The following PARP2 variants were observed in gnomAD, a reference collection of about 807,000 sequenced individuals.
PARP2 encodes poly [ADP-ribose] polymerase 2.
In PARP2, 57 loss-of-function variants were observed where a neutral mutation model predicts 77.8. The observed-to-expected ratio is 0.73, with a 90% CI of 0.59 to 0.91. PARP2 has a LOEUF of 0.91. Among genes scored for constraint, PARP2 ranks in the 40% least tolerant of loss-of-function variants. PARP2 has a pLI of 0.00. For synonymous variants in PARP2, 226 were observed against 242.6 expected, an observed-to-expected ratio of 0.93 and a Z score of 0.64; for missense variants, 651 against 689.0, an observed-to-expected ratio of 0.94 and a Z score of 0.62.
chr14:20,343,756 T>C, intron 1 of PARP2, 69 bp downstream of exon 1: 1 of 1,489,360 alleles, frequency 6.7e-7, no homozygotes, highest in Non-Finnish European at 9.3e-7. Context: ...TGCCACCTAC[T>C]GTGACCCCCT....
chr14:20,347,356 G>GTATATATATATATA (rs774986716), intron 4 of PARP2, among the ~76,000 whole-genome samples: 2 of 29,562 alleles, frequency 6.8e-5, no homozygotes, highest in Non-Finnish European at 1.1e-4. Flanking sequence ...ATGTGTGTGT[G>GTATATATATATATA]TATATATATA....
chr14:20,356,260 A>C, intron 11 of PARP2, 47 bp from the exon 12 acceptor site: 1 of 1,603,662 alleles, frequency 6.2e-7, no homozygotes, highest in South Asian at 1.1e-5. Flanking sequence ...AGTTCAGCTC[A>C]GTCTCTTGTA....
chr14:20,354,533 C>G (rs1001524118), intron 8 of PARP2: 13 of 524,020 alleles, frequency 2.5e-5, no homozygotes, highest in Non-Finnish European at 3.7e-5. Context: ...CCCATCTCTA[C>G]TAAAAATAGA....
chr14:20,354,688 C>T lies in PARP2; in HGVS notation c.764-121C>T, dbSNP rs1884077281. 5.2e-6 allele frequency: 5 copies of T among 959,490 alleles called. No individual in the cohort carries two copies. In the Admixed American group the frequency reaches 9.9e-5, roughly 19 times the overall value. The allele number at this position is 959,490 out of a possible 1,614,324, so 59.4% of individuals were successfully genotyped here. A position where few individuals can be genotyped will look rare whatever the true frequency, so the allele number is the denominator to read the frequency against. ...CAGCCTGGGCAACAGGAGTGAGACC[C>T]CATCTTAAAAACAGGAAAAAAAAAA... On this transcript the variant is annotated intron_variant, in intron 8 of 15. Transcript: ENST00000429687.
intron 7 of PARP2, 30 bp downstream of exon 7, chr14:20,352,377 C>A (rs761973726): frequency 7.4e-7 from 1 of 1,346,700 alleles, no homozygotes; most frequent in Non-Finnish European, 1.1e-6. Flanking sequence ...TCGAAAGAAA[C>A]ACATCTTCTT....
intron 5 of PARP2, 53 bp downstream of exon 5, chr14:20,350,675 G>A: frequency 1.7e-6 from 2 of 1,145,614 alleles, no homozygotes; most frequent in Non-Finnish European, 2.7e-6. Flanking sequence ...GTCAGAAGCA[G>A]CTTAGTGGGT....
At position 20,357,694 on chromosome 14, in the gene PARP2, A is replaced by G; in HGVS notation, c.1610A>G (p.Asp537Gly). 6.2e-7 allele frequency: 1 copy of G among 1,613,960 alleles called. No homozygotes were observed. The highest frequency in any genetic ancestry group is 1.3e-5 in the African/African-American group (1 of 75,064). Residue 537 changes from aspartate (D) to glycine (G), a missense_variant, in exon 16 of 16, where the codon GAT becomes GGT. Physicochemically the swap from Asp to Gly is moderately conservative, Grantham distance 94. Coordinates refer to ENST00000429687, the MANE Select transcript of PARP2 (RefSeq NM_001042618.2). Reference protein sequence around the residue: ...PASDTGILNPDGYTLNYNEYI... With the variant: ...PASDTGILNPGGYTLNYNEYI... ...AGTGACACAGGAATTCTGAATCCAG[A>G]TGGTTATACCCTCAACTACAATGAA... is the stretch of plus-strand genomic sequence containing the variant.
At chr14:20,352,114 A>G (rs1883974916) in intron 6 of PARP2, 131 bp from the exon 7 acceptor site, 1 of 506,336 alleles carries the variant, frequency 2.0e-6, no homozygotes, top group Non-Finnish European at 3.5e-6. Context: ...ACTAATTTTG[A>G]TTTATGGAAA....
In PARP2 at chr14:20,346,696, C is replaced by T. The variant is rs970255485; in HGVS notation, c.274-167C>T. The T allele has an allele frequency of 1.7e-5, 10 of 572,704 alleles. No individual in the cohort carries two copies. In the African/African-American group the frequency reaches 1.9e-4, roughly 11 times the overall value. 35.5% of individuals were successfully genotyped at this position (572,704 alleles called of 1,614,324 possible). The stretch of plus-strand genomic sequence containing the variant: ...CATGTTTTCATTTATAGTAAGGTTA[C>T]ACCCAGGTTACTGGTAGAACATAGG... On this transcript the variant is annotated intron_variant, in intron 3 of 15. Transcript: ENST00000429687.
At position 20,357,413 on chromosome 14, in the gene PARP2, T is replaced by A; in HGVS notation, c.1446T>A (p.Cys482Ter). 5.0e-6 allele frequency: 8 copies of A among 1,611,662 alleles called. No individual in the cohort carries two copies. Among genetic ancestry groups the A allele is most frequent in the Non-Finnish European group, 6.8e-6 (8 of 1,179,224 alleles). The change falls in exon 15 of 16, where the codon TGT (cysteine) becomes TGA (stop). Residue 482 changes from cysteine to a stop codon, truncating the protein, a stop_gained. Transcript: ENST00000429687. LOFTEE classifies it high-confidence loss of function. ...LLLSEVALGQ[C>*]NELLEANPKA... is the part of the protein sequence containing the mutation. The stretch of plus-strand genomic sequence containing the variant: ...CTTTGCAGGTAGCTCTAGGTCAGTG[T>A]AATGAACTACTAGAGGCCAATCCTA...
intron 7 of PARP2, 63 bp downstream of exon 7, chr14:20,352,410 C>G (rs1883990472): frequency 1.9e-6 from 2 of 1,028,106 alleles, no homozygotes. Context: ...TTTTTAGAGG[C>G]AAAACTGTGC....
chr14:20,354,499 C>T (rs1884071045), intron 8 of PARP2: 2 of 528,698 alleles, frequency 3.8e-6, no homozygotes, highest in Admixed American at 7.0e-5. Flanking sequence ...GAGTTTGAAA[C>T]CAGCCTGGGC....
At chr14:20,347,356 GTA>G (rs774986716) in intron 4 of PARP2, among the ~76,000 whole-genome samples, 1,188 of 29,462 alleles carry the variant, frequency 0.04, 15 homozygotes, top group East Asian at 0.07. Flanking sequence ...ATGTGTGTGT[GTA>G]TATATATATA....
intron 3 of PARP2, 132 bp from the exon 4 acceptor site, chr14:20,346,731 C>CT (rs1566417489): frequency 4.6e-6 from 3 of 652,964 alleles, no homozygotes. Flanking sequence ...GTTTGCAATT[C>CT]TTTCCTTGGG....
rs1883595323 is a variant in PARP2, at chr14:20,343,666, A to G, written c.25A>G (p.Thr9Ala). The G allele has an allele frequency of 6.2e-7, 1 of 1,610,352 alleles. No homozygotes were observed. The highest frequency in any genetic ancestry group is 1.1e-5 in the South Asian group (1 of 90,034). MAARRRRS[T>A]GGGRARALNE... ...CATGGCGGCGCGGCGGCGACGGAGC[A>G]CCGGCGGCGGCAGGGCGAGAGGTTC... Residue 9 changes from threonine to alanine, a missense_variant, in exon 1 of 16, where the codon ACC becomes GCC. By Grantham distance (58) the Thr-to-Ala change is moderately conservative. Coordinates refer to ENST00000429687, the MANE Select transcript of PARP2 (RefSeq NM_001042618.2).
chr14:20,352,564 T>TC (rs1883998678), intron 7 of PARP2: 6 of 351,168 alleles, frequency 1.7e-5, no homozygotes, highest in Non-Finnish European at 2.5e-5. Context: ...TTTTCTTTTT[T>TC]TTTTGTAAAG....
At chr14:20,347,356 G>GTGTGTATA (rs1168423656) in intron 4 of PARP2, among the ~76,000 whole-genome samples, 25 of 29,558 alleles carry the variant, frequency 8.5e-4, no homozygotes, top group South Asian at 1.7e-3. Flanking sequence ...ATGTGTGTGT[G>GTGTGTATA]TATATATATA....
At chr14:20,346,683 T>C in intron 3 of PARP2, 180 bp from the exon 4 acceptor site, 1 of 525,502 alleles carries the variant, frequency 1.9e-6, no homozygotes, top group Non-Finnish European at 3.4e-6. Context: ...TGTTTTCATT[T>C]ATAGTAAGGT....
chr14:20,352,308 A>C lies in PARP2; in HGVS notation c.561A>C (p.Lys187Asn). ...DREKFEKVPGKYDMLQMDYAT... is the reference protein window; with the variant it reads ...DREKFEKVPGNYDMLQMDYAT... ...AAAAGTTTGAGAAGGTGCCTGGAAAATATGATATGCTACAGATGGACTATG... is the reference window on the plus strand; with the variant it reads ...AAAAGTTTGAGAAGGTGCCTGGAAACTATGATATGCTACAGATGGACTATG... Residue 187 changes from lysine (K) to asparagine (N), a missense_variant, in exon 7 of 16, where the codon AAA becomes AAC. By Grantham distance (94) the Lys-to-Asn change is moderately conservative. Coordinates refer to ENST00000429687, the MANE Select transcript of PARP2 (RefSeq NM_001042618.2). 6.2e-7 allele frequency: 1 copy of C among 1,612,338 alleles called. No individual in the cohort carries two copies. The highest frequency in any genetic ancestry group is 8.5e-7 in the Non-Finnish European group (1 of 1,178,346).
Sources: allele counts gnomAD v4.1 joint callset (sites outside exome capture counted in the v4.1 genomes callset), GRCh38; gene constraint gnomAD v4.1.1; transcripts MANE v1.5; gene names NCBI Gene and HGNC (gene_info 2026-07-23, HGNC 2026-07-21).